The following ACSS3 variants were observed in gnomAD, a reference collection of about 807,000 sequenced individuals.
ACSS3 encodes the protein acyl-CoA synthetase short-chain family member 3, mitochondrial.
ACSS3 carries 64 observed loss-of-function variants against 84.2 expected under a neutral mutation model. The ratio of observed to expected loss-of-function variants is 0.76; its 90% CI spans 0.62 to 0.94. ACSS3 has a LOEUF of 0.94. Ranked by LOEUF, ACSS3 falls within the 40% of genes least tolerant of loss-of-function variation. ACSS3 has a pLI of 0.00. For synonymous variants in ACSS3, 317 were observed against 310.1 expected, an observed-to-expected ratio of 1.02 and a Z score of -0.23; for missense variants, 815 against 867.6, an observed-to-expected ratio of 0.94 and a Z score of 0.76.
chr12:81,141,400 A>G (rs1408835485), intron 4 of ACSS3, among the ~76,000 whole-genome samples: 1 of 152,210 alleles, frequency 6.6e-6, no homozygotes, highest in African/African-American at 2.4e-5. Flanking sequence ...AGAGGAGGTA[A>G]AAACTTGGCT....
chr12:81,212,107 C>T (rs553819877), intron 9 of ACSS3, among the ~76,000 whole-genome samples: 16 of 152,274 alleles, frequency 1.1e-4, no homozygotes, highest in Admixed American at 1.0e-3. Flanking sequence ...ATTGAAAACC[C>T]TCTCCATGAC....
intron 11 of ACSS3, 103 bp downstream of exon 11, chr12:81,220,179 A>G (rs982293988): frequency 1.7e-6 from 1 of 574,504 alleles, no homozygotes; most frequent in Non-Finnish European, 2.9e-6. Context: ...AGGAAGTTGT[A>G]GAAAGAACTT....
At position 81,143,160 on chromosome 12, in the gene ACSS3, A is replaced by C. The variant is rs765986987; in HGVS notation, c.834A>C (p.Ala278=). The C allele has an allele frequency of 1.2e-6, 2 of 1,613,782 alleles. No homozygotes were observed. Among genetic ancestry groups the C allele is most frequent in the Non-Finnish European group, 1.7e-6 (2 of 1,179,746 alleles). Residue 278 remains alanine, a synonymous_variant, in exon 5 of 16, where the codon GCA becomes GCC. Transcript: ENST00000548058. ...ACCTTGATTGGGATGAAGAGATGGC[A>C]AAAGCCCAGTCACATGACTGTGTTC... is the stretch of plus-strand genomic sequence containing the variant. ...GRDLDWDEEM[A]KAQSHDCVPV... is the part of the protein sequence containing the mutation.
chr12:81,155,462 C>T (rs2135764404), intron 7 of ACSS3, among the ~76,000 whole-genome samples: 1 of 152,294 alleles, frequency 6.6e-6, no homozygotes, highest in African/African-American at 2.4e-5. Flanking sequence ...CCCAAGATGA[C>T]ATGAACTGAG....
chr12:81,231,081 T>A lies in ACSS3; in HGVS notation c.1539T>A (p.Phe513Leu). ...VVKLPLPPGA[F>L]SGLWKNQEAF... Reference sequence around the variant, plus strand: ...GGTTACCATTGCCACCTGGGGCTTTTTCAGGACTCTGGAAGAATCAGGAAG... The same window carrying A: ...GGTTACCATTGCCACCTGGGGCTTTATCAGGACTCTGGAAGAATCAGGAAG... Residue 513 changes from phenylalanine to leucine, a missense_variant, in exon 12 of 16, where the codon TTT becomes TTA. By Grantham distance (22) the Phe-to-Leu change is conservative. Transcript: ENST00000548058. 2 of 1,611,012 alleles carry A rather than the reference T, an allele frequency of 1.2e-6. No homozygotes were observed. Among genetic ancestry groups the A allele is most frequent in the Non-Finnish European group, 1.7e-6 (2 of 1,178,222 alleles).
chr12:81,176,003 G>T (rs2030446003), intron 8 of ACSS3, among the ~76,000 whole-genome samples: 1 of 152,044 alleles, frequency 6.6e-6, no homozygotes, highest in African/African-American at 2.4e-5. Context: ...AACCAAATTA[G>T]ATCTGAACTG....
At chr12:81,252,328 T>C (rs2034180146) in intron 13 of ACSS3, among the ~76,000 whole-genome samples, 1 of 152,150 alleles carries the variant, frequency 6.6e-6, no homozygotes, top group Admixed American at 6.6e-5. Flanking sequence ...ACTACTAGAC[T>C]GAAAGCATCT....
chr12:81,192,009 G>A (rs899391603), intron 8 of ACSS3, among the ~76,000 whole-genome samples: 1 of 152,120 alleles, frequency 6.6e-6, no homozygotes, highest in African/African-American at 2.4e-5. Flanking sequence ...GATTTTATGT[G>A]TGTCTTTCTA....
intron 8 of ACSS3, among the ~76,000 whole-genome samples, chr12:81,175,870 T>G (rs1057349703): frequency 1.3e-4 from 20 of 152,140 alleles, no homozygotes; most frequent in African/African-American, 4.6e-4. Flanking sequence ...AAGAGGAAAC[T>G]TTATAGAACT....
At chr12:81,136,661 A>G (rs1885817356) in intron 3 of ACSS3, among the ~76,000 whole-genome samples, 1 of 152,148 alleles carries the variant, frequency 6.6e-6, no homozygotes, top group Admixed American at 6.6e-5. Flanking sequence ...TTGGAAGGAC[A>G]GTAAGTAGAC....
intron 13 of ACSS3, among the ~76,000 whole-genome samples, chr12:81,251,338 C>T (rs891751951): frequency 2.0e-5 from 3 of 152,046 alleles, no homozygotes; most frequent in African/African-American, 7.2e-5. Flanking sequence ...CAGGCATGTA[C>T]AGAGTAGACC....
intron 9 of ACSS3, among the ~76,000 whole-genome samples, chr12:81,200,702 C>A: frequency 6.7e-6 from 1 of 150,050 alleles, no homozygotes; most frequent in East Asian, 1.9e-4. Context: ...GAGTTACAGA[C>A]CAGCCTGGCC....
intron 9 of ACSS3, among the ~76,000 whole-genome samples, chr12:81,210,445 A>C (rs1336082106): frequency 6.6e-6 from 1 of 152,208 alleles, no homozygotes; most frequent in Non-Finnish European, 1.5e-5. Flanking sequence ...CTTATCCTGC[A>C]TTCCTACACA....
At chr12:81,198,561 T>C (rs1411639552) in intron 8 of ACSS3, among the ~76,000 whole-genome samples, 3 of 150,588 alleles carry the variant, frequency 2.0e-5, no homozygotes, top group Non-Finnish European at 3.0e-5. Flanking sequence ...TTTTTATATA[T>C]ATATAAACAG....
chr12:81,188,672 A>G (rs911680540), intron 8 of ACSS3, among the ~76,000 whole-genome samples: 10 of 152,068 alleles, frequency 6.6e-5, no homozygotes, highest in African/African-American at 2.4e-4. Flanking sequence ...CTTGAGCTTC[A>G]TCCATAAGTT....
intron 1 of ACSS3, among the ~76,000 whole-genome samples, chr12:81,091,457 G>A (rs1385113462): frequency 6.6e-6 from 1 of 151,724 alleles, no homozygotes; most frequent in African/African-American, 2.4e-5. Context: ...AAAAATATTG[G>A]GTCTTGACTG....
intron 9 of ACSS3, among the ~76,000 whole-genome samples, chr12:81,207,422 C>T (rs1314409304): frequency 6.6e-6 from 1 of 152,148 alleles, no homozygotes; most frequent in Non-Finnish European, 1.5e-5. Flanking sequence ...ACTGCCTTTA[C>T]ATCCCAATTC....
At chr12:81,159,232 A>T (rs933046383) in intron 7 of ACSS3, among the ~76,000 whole-genome samples, 7 of 152,052 alleles carry the variant, frequency 4.6e-5, no homozygotes, top group Admixed American at 3.3e-4. Flanking sequence ...ATTTTCTGAG[A>T]GGGAAATTTA....
Position 81,260,951 on chromosome 12 carries a change from C to G in ACSS3, c.*6029C>G, listed in dbSNP as rs2035277245. 1 of 152,086 alleles carries G rather than the reference C, an allele frequency of 6.6e-6. No individual in the cohort carries two copies. Among genetic ancestry groups the G allele is most frequent in the Admixed American group, 6.6e-5 (1 of 15,260 alleles). 9.4% of individuals were successfully genotyped at this position (152,086 alleles called of 1,614,324 possible). ...ATAAATCTAAGAAACCACAGTTTTA[C>G]TATTAAGACTGTTTTTCAATAAAAC... On this transcript the variant is annotated 3_prime_UTR_variant, in exon 16 of 16. Transcript: ENST00000548058.
Sources: gnomAD v4.1 joint callset for allele counts (sites outside exome capture counted in the v4.1 genomes callset) on GRCh38, gnomAD v4.1.1 for gene constraint, MANE v1.5 for transcripts, NCBI Gene and HGNC (gene_info 2026-07-23, HGNC 2026-07-21) for gene names.